ADCY10: variants seen among roughly 807,000 people sequenced by gnomAD.
ADCY10 encodes the protein adenylate cyclase 10, also known as adenylate cyclase type 10.
In ADCY10, 156 loss-of-function variants were observed where a neutral mutation model predicts 183.3. The ratio of observed to expected loss-of-function variants is 0.85; its 90% CI spans 0.75 to 0.97. The LOEUF (loss-of-function observed/expected upper bound fraction) is 0.97, where lower values mean the gene tolerates loss of function less well. Among genes scored for constraint, ADCY10 ranks in the 50% least tolerant of loss-of-function variants. The pLI is 0.00. For missense variants in ADCY10, 1,745 were observed against 1,934.3 expected, an observed-to-expected ratio of 0.90 and a Z score of 1.84; for synonymous variants, 645 against 670.0, an observed-to-expected ratio of 0.96 and a Z score of 0.58.
At chr1:167,902,132 A>T in intron 3 of ADCY10, 78 bp from the exon 4 acceptor site, 1 of 1,363,440 alleles carries the variant, frequency 7.3e-7, no homozygotes, top group Non-Finnish European at 1.0e-6. Context: ...TCTTAGTGGA[A>T]TAGAAACTAG....
At chr1:167,842,170 T>A (rs1444205323) in intron 21 of ADCY10, among the ~76,000 whole-genome samples, 1 of 152,158 alleles carries the variant, frequency 6.6e-6, no homozygotes, top group Non-Finnish European at 1.5e-5. Flanking sequence ...AATTATGTCT[T>A]TTTTTTCCCC....
At chr1:167,901,913 C>G in intron 4 of ADCY10, 103 bp downstream of exon 4, 3 of 1,607,118 alleles carry the variant, frequency 1.9e-6, no homozygotes, top group Non-Finnish European at 2.6e-6. Context: ...AGCCTATCTC[C>G]TGGCCACTCC....
rs535678343 is a variant in ADCY10 at position 167,819,912 on chromosome 1, G to A, written c.4287-1645C>T. 505 of 1,010,896 alleles carry A rather than the reference G, an allele frequency of 5.0e-4. 1 individual carries two copies. Among genetic ancestry groups the A allele is most frequent in the Non-Finnish European group, 7.0e-4 (450 of 639,564 alleles). The allele number at this position is 1,010,896 out of a possible 1,614,324, so 62.6% of individuals were successfully genotyped here. A position where few individuals can be genotyped will look rare whatever the true frequency, so the allele number is the denominator to read the frequency against. On this transcript the variant is annotated intron_variant, in intron 30 of 32. Transcript: ENST00000367851. ...TTAAAGCCAAATCGGATCAACAGTA[G>A]GCAAAACATCTTCTCCAGGCCATCA... is the stretch of plus-strand genomic sequence containing the variant.
At chr1:167,824,912 A>AC (rs1279458962) in intron 26 of ADCY10, 57 bp from the exon 27 acceptor site, 1 of 1,480,332 alleles carries the variant, frequency 6.8e-7, no homozygotes, top group African/African-American at 1.4e-5. Context: ...AAGCTCAGGA[A>AC]CATCACTCAA....
At chr1:167,822,252 T>C (rs1662959740) in intron 29 of ADCY10, 111 bp from the exon 30 acceptor site, 3 of 818,328 alleles carry the variant, frequency 3.7e-6, no homozygotes, top group Non-Finnish European at 4.3e-6. Context: ...CCTCTGATTA[T>C]TGTATGAATC....
At position 167,810,899 on chromosome 1, in the gene ADCY10, C is replaced by T. The variant is rs771698066; in HGVS notation, c.4497G>A (p.Leu1499=). 6.2e-6 allele frequency: 10 copies of T among 1,613,900 alleles called. No individual in the cohort carries two copies. In the East Asian group the frequency reaches 1.8e-4, roughly 29 times the overall value. ...CAGGGCCAGTGGTATTTTGAGCCACCAGATTCTCCAAGTTCTAAAGAAAAA... is the reference window on the plus strand; with the variant it reads ...CAGGGCCAGTGGTATTTTGAGCCACTAGATTCTCCAAGTTCTAAAGAAAAA... ...GEELLKNLEN[L]VAQNTTGPVF... The change falls in exon 32 of 33, where the codon CTG becomes CTA. Residue 1499 remains leucine (L), a synonymous_variant. Transcript: ENST00000367851.
chr1:167,909,710 T>G (rs1670032391), intron 1 of ADCY10, among the ~76,000 whole-genome samples: 1 of 152,138 alleles, frequency 6.6e-6, no homozygotes. Flanking sequence ...TCCAAAGTGA[T>G]GGTACCAACT....
chr1:167,869,162 A>G (rs1571352113), intron 14 of ADCY10, among the ~76,000 whole-genome samples: 1 of 152,226 alleles, frequency 6.6e-6, no homozygotes, highest in African/African-American at 2.4e-5. Flanking sequence ...AGCCATGTTT[A>G]GAAGGTGGTT....
chr1:167,849,497 G>A (rs1308060513), intron 18 of ADCY10, among the ~76,000 whole-genome samples: 2 of 152,198 alleles, frequency 1.3e-5, no homozygotes, highest in African/African-American at 4.8e-5. Flanking sequence ...GGCAGTAGAT[G>A]AGTGCCATGT....
intron 28 of ADCY10, among the ~76,000 whole-genome samples, chr1:167,823,700 C>A (rs1663075140): frequency 6.6e-6 from 1 of 152,132 alleles, no homozygotes; most frequent in South Asian, 2.1e-4. Flanking sequence ...CTCAGTAATT[C>A]GGAACCAAAT....
At position 167,896,517 on chromosome 1, in the gene ADCY10, A is replaced by G. The variant is rs975078303; in HGVS notation, c.739+78T>C. On this transcript the variant is annotated intron_variant, in intron 7 of 32. Transcript: ENST00000367851. ...GTGTTGAGGAGCCCACCCACCAGTAATGAAGCTGTCGGCATTGATATAAGA... is the reference window on the plus strand; with the variant it reads ...GTGTTGAGGAGCCCACCCACCAGTAGTGAAGCTGTCGGCATTGATATAAGA... 5 of 1,161,410 alleles carry G rather than the reference A, an allele frequency of 4.3e-6. No individual in the cohort carries two copies. In the African/African-American group the frequency reaches 7.6e-5, roughly 18 times the overall value. The allele number at this position is 1,161,410 out of a possible 1,614,324, so 71.9% of individuals were successfully genotyped here.
intron 13 of ADCY10, among the ~76,000 whole-genome samples, chr1:167,873,809 T>C (rs538705413): frequency 6.6e-6 from 1 of 152,330 alleles, no homozygotes; most frequent in South Asian, 2.1e-4. Flanking sequence ...TCAAATAGTA[T>C]ACAGAAGCAC....
chr1:167,861,142 T>A, intron 14 of ADCY10, 79 bp from the exon 15 acceptor site: 2 of 1,197,770 alleles, frequency 1.7e-6, no homozygotes, highest in Non-Finnish European at 2.4e-6. Flanking sequence ...GAAGGAAAGC[T>A]CTGTCTTCTC....
rs541262933 is a variant in ADCY10, at chr1:167,906,075, C to T, written c.-58-877G>A. On this transcript the variant is annotated intron_variant, in intron 1 of 32. Transcript: ENST00000367851. ...TTTAATTCTGACCAGCAGAGAGGAA[C>T]TTGTTAGTAGGTCATATTGGGATAT... Among the ~76,000 whole-genome samples, 12 of 151,982 alleles carry T rather than the reference C, an allele frequency of 7.9e-5. No individual in the cohort carries two copies. The South Asian group carries it at 2.5e-3, about 32-fold the overall frequency.
At chr1:167,825,207 TG>T (rs1489030688) in intron 26 of ADCY10, among the ~76,000 whole-genome samples, 1 of 152,232 alleles carries the variant, frequency 6.6e-6, no homozygotes, top group African/African-American at 2.4e-5. Context: ...ATATATTTGT[TG>T]GGGGTGGGAG....
chr1:167,832,732 ACTTAC>A (rs1466152654), intron 25 of ADCY10, among the ~76,000 whole-genome samples: 2 of 152,108 alleles, frequency 1.3e-5, no homozygotes, highest in Non-Finnish European at 2.9e-5. Flanking sequence ...GGACCCTAGA[ACTTAC>A]CTTACAACGA....
intron 8 of ADCY10, among the ~76,000 whole-genome samples, chr1:167,887,554 G>A (rs1008431045): frequency 9.2e-5 from 14 of 152,066 alleles, no homozygotes; most frequent in Non-Finnish European, 2.1e-4. Flanking sequence ...GTGGGCTGGG[G>A]GGAAGGGGGA....
At chr1:167,861,465 T>G (rs1666283952) in intron 14 of ADCY10, among the ~76,000 whole-genome samples, 1 of 152,204 alleles carries the variant, frequency 6.6e-6, no homozygotes, top group African/African-American at 2.4e-5. Flanking sequence ...CAATCTACCC[T>G]TCACCAACAG....
At position 167,836,323 on chromosome 1, in the gene ADCY10, A is replaced by T; in HGVS notation, c.3295T>A (p.Cys1099Ser). 1.9e-6 allele frequency: 3 copies of T among 1,612,482 alleles called. No individual in the cohort carries two copies. The highest frequency in any genetic ancestry group is 2.5e-6 in the Non-Finnish European group (3 of 1,178,514). The change falls in exon 23 of 33, where the codon TGT (cysteine) becomes AGT (serine). Residue 1099 changes from cysteine (C) to serine (S), a missense_variant. By Grantham distance (112) the Cys-to-Ser change is moderately radical. Coordinates refer to ENST00000367851, the MANE Select transcript of ADCY10 (RefSeq NM_018417.6). ...LEIASAYLIF[C>S]DNYMAYMYLN... ...AAACAGCTTACCATGTAGTTATCAC[A>T]AAAGATGAGATAAGCAGATGCAATT...
Sources: gnomAD v4.1 joint callset for allele counts (sites outside exome capture counted in the v4.1 genomes callset) on GRCh38, gnomAD v4.1.1 for gene constraint, MANE v1.5 for transcripts, NCBI Gene and HGNC (gene_info 2026-07-23, HGNC 2026-07-21) for gene names.